The following LDLRAD4 variants were observed in gnomAD, a reference collection of about 807,000 sequenced individuals.
The protein encoded by LDLRAD4 is low-density lipoprotein receptor class A domain-containing protein 4.
In LDLRAD4, 5 loss-of-function variants were observed where a neutral mutation model predicts 17.0. The ratio of observed to expected loss-of-function variants is 0.29; its 90% CI spans 0.15 to 0.62. LDLRAD4 has a LOEUF of 0.62. LDLRAD4 is among the 20% of genes least tolerant of loss of function. The pLI is 0.84. For missense variants in LDLRAD4, 340 were observed against 424.7 expected (o/e 0.80, Z 1.75); for synonymous variants, 168 against 171.8 (o/e 0.98, Z 0.17).
chr18:13,638,179 G>A (rs2042241849), intron 4 of LDLRAD4, among the ~76,000 whole-genome samples: 1 of 152,078 alleles, frequency 6.6e-6, no homozygotes, highest in South Asian at 2.1e-4. Context: ...GCTGAGGTGG[G>A]AGGATGTGTT....
chr18:13,500,054 T>C (rs2093586420), intron 3 of LDLRAD4, among the ~76,000 whole-genome samples: 1 of 152,230 alleles, frequency 6.6e-6, no homozygotes. Context: ...AGACATGTTG[T>C]CCAAGACTTG....
chr18:13,306,103 G>A (rs1055678675), intron 1 of LDLRAD4, among the ~76,000 whole-genome samples: 6 of 152,138 alleles, frequency 3.9e-5, no homozygotes, highest in Non-Finnish European at 5.9e-5. Flanking sequence ...AAGAATATCT[G>A]CCTCTATAGG....
chr18:13,410,122 A>G (rs1435647229), intron 2 of LDLRAD4, among the ~76,000 whole-genome samples: 1 of 152,130 alleles, frequency 6.6e-6, no homozygotes, highest in Non-Finnish European at 1.5e-5. Flanking sequence ...CTGGACCAGC[A>G]GTTTTCAAAA....
intron 3 of LDLRAD4, among the ~76,000 whole-genome samples, chr18:13,469,951 T>G (rs1306897194): frequency 6.6e-6 from 1 of 152,182 alleles, no homozygotes; most frequent in Non-Finnish European, 1.5e-5. Flanking sequence ...AATCTAATAA[T>G]GATTAAAGTG....
chr18:13,542,568 A>C (rs1040247041), intron 3 of LDLRAD4: 1 of 152,232 alleles, frequency 6.6e-6, no homozygotes, highest in Non-Finnish European at 1.5e-5. Flanking sequence ...TCTATGTGTC[A>C]GCCTCCCGTC....
At chr18:13,467,059 T>C (rs768583715) in intron 3 of LDLRAD4, among the ~76,000 whole-genome samples, 2 of 152,182 alleles carry the variant, frequency 1.3e-5, no homozygotes, top group Non-Finnish European at 1.5e-5. Flanking sequence ...TACTCAGTGG[T>C]GAAAGCTTTA....
intron 1 of LDLRAD4, among the ~76,000 whole-genome samples, chr18:13,227,919 T>C (rs2041891019): frequency 6.6e-6 from 1 of 152,234 alleles, no homozygotes; most frequent in Non-Finnish European, 1.5e-5. Context: ...ACACAGAGCC[T>C]GAACGTATCA....
rs144407370 is a variant in LDLRAD4 at position 13,368,642 on chromosome 18, C to T, written c.-382-18699C>T. Reference sequence around the variant, plus strand: ...ACTCACAGAGTGCCTCCTGCACCTGCGTCATTGAGATTTCTCCAGTCACTT... The same window carrying T: ...ACTCACAGAGTGCCTCCTGCACCTGTGTCATTGAGATTTCTCCAGTCACTT... On this transcript the variant is annotated intron_variant, in intron 1 of 5. Transcript: ENST00000359446. 4.9e-4 allele frequency among the ~76,000 whole-genome samples: 74 copies of T among 152,286 alleles called. 2 individuals carry two copies. In the East Asian group the frequency reaches 0.012, roughly 25 times the overall value.
At chr18:13,617,093 TG>T (rs2040157387) in intron 3 of LDLRAD4, among the ~76,000 whole-genome samples, 1 of 149,484 alleles carries the variant, frequency 6.7e-6, no homozygotes, top group Non-Finnish European at 1.5e-5. Context: ...AGAAAGATGG[TG>T]GGGCCTTTAC....
intron 3 of LDLRAD4, among the ~76,000 whole-genome samples, chr18:13,483,345 C>T (rs1330714240): frequency 1.3e-5 from 2 of 152,188 alleles, no homozygotes; most frequent in African/African-American, 2.4e-5. Flanking sequence ...AGTTCTCTTC[C>T]TTGAAGCTCC....
At chr18:13,327,329 G>A (rs1022238187) in intron 1 of LDLRAD4, among the ~76,000 whole-genome samples, 4 of 152,080 alleles carry the variant, frequency 2.6e-5, no homozygotes, top group East Asian at 1.9e-4. Context: ...ATGAGTGTAT[G>A]TGGCCCCAAG....
In LDLRAD4 at chr18:13,300,695, G is replaced by A. The variant is rs755970829; in HGVS notation, c.-383+22507G>A. Among the ~76,000 whole-genome samples, 26 of 152,208 alleles carry A rather than the reference G, an allele frequency of 1.7e-4. No homozygotes were observed. Among genetic ancestry groups the A allele is most frequent in the Non-Finnish European group, 2.5e-4 (17 of 68,044 alleles). On this transcript the variant is annotated intron_variant, in intron 1 of 5. Transcript: ENST00000359446. This position sits in a 1 kb window ranked among gnomAD's most constrained non-coding sequence, Gnocchi z 4.2. ...CTGCACCCAAGAATTTCTTGGTGGC[G>A]TTCACACTAAGAAGTGTCAGAGTGG...
rs1471861571 is a variant in LDLRAD4, at chr18:13,263,601, C to T, written c.-466-14504C>T. ...GAGTCCCAGCTCTGCCCATTGGCAG[C>T]CATGTGACCTTGGATGCTTCACTCA... On this transcript the variant is annotated intron_variant, in intron 1 of 5. Transcript: ENST00000399848. Among the ~76,000 whole-genome samples the T allele has an allele frequency of 2.6e-5, 4 of 152,336 alleles. No homozygotes were observed. The East Asian group carries it at 5.8e-4, about 22-fold the overall frequency.
chr18:13,223,497 C>T lies in LDLRAD4; in HGVS notation c.-467+4509C>T, dbSNP rs563933499. Reference sequence around the variant, plus strand: ...GGGATTCTTCAGAAGAGGGCTGGGCCGGCAATGCACAGCCAGGCATTGTTC... The same window carrying T: ...GGGATTCTTCAGAAGAGGGCTGGGCTGGCAATGCACAGCCAGGCATTGTTC... On this transcript the variant is annotated intron_variant, in intron 1 of 5. Coordinates refer to the LDLRAD4 transcript ENST00000399848. Among the ~76,000 whole-genome samples, 90 of 152,176 alleles carry T rather than the reference C, an allele frequency of 5.9e-4. 1 individual carries two copies. The highest frequency in any genetic ancestry group is 2.0e-3 in the African/African-American group (82 of 41,518).
At chr18:13,525,081 G>A (rs1047335021) in intron 3 of LDLRAD4, among the ~76,000 whole-genome samples, 4 of 152,186 alleles carry the variant, frequency 2.6e-5, no homozygotes, top group Admixed American at 6.5e-5. Flanking sequence ...ACAGACACAC[G>A]CGTACTCAGG....
chr18:13,430,097 G>A (rs1430701490), intron 2 of LDLRAD4, among the ~76,000 whole-genome samples: 2 of 152,168 alleles, frequency 1.3e-5, no homozygotes, highest in Admixed American at 6.5e-5. Context: ...GAGGGAAAGA[G>A]CCTCCCGGCC....
chr18:13,539,404 G>A (rs1422270973), intron 3 of LDLRAD4, among the ~76,000 whole-genome samples: 1 of 152,212 alleles, frequency 6.6e-6, no homozygotes, highest in Non-Finnish European at 1.5e-5. Flanking sequence ...GCTGTTCAAG[G>A]GAGGAACCAG....
At chr18:13,570,214 C>T (rs2094668629) in intron 3 of LDLRAD4, among the ~76,000 whole-genome samples, 2 of 152,252 alleles carry the variant, frequency 1.3e-5, no homozygotes, top group African/African-American at 2.4e-5. Flanking sequence ...ACAGACGTGA[C>T]TCGTCTGGGA....
At chr18:13,501,724 G>T (rs867658834) in intron 3 of LDLRAD4, among the ~76,000 whole-genome samples, 2 of 150,924 alleles carry the variant, frequency 1.3e-5, no homozygotes, top group Non-Finnish European at 3.0e-5. Flanking sequence ...TGCACAGGAC[G>T]CCTGACACTC....
Sources: allele counts gnomAD v4.1 joint callset (sites outside exome capture counted in the v4.1 genomes callset), GRCh38; gene constraint gnomAD v4.1.1; non-coding constraint Gnocchi (gnomAD v3.1); transcripts MANE v1.5; gene names NCBI Gene and HGNC (gene_info 2026-07-23, HGNC 2026-07-21).